ZC3HC1: variants seen among roughly 807,000 people sequenced by gnomAD.
ZC3HC1 encodes zinc finger C3HC-type containing 1.
Under a neutral mutation model 61.9 loss-of-function variants are expected in ZC3HC1, and 38 were observed. The ratio of observed to expected loss-of-function variants is 0.61; its 90% CI spans 0.47 to 0.81. The LOEUF (loss-of-function observed/expected upper bound fraction) is 0.81. Ranked by LOEUF, ZC3HC1 falls within the 30% of genes least tolerant of loss-of-function variation. The pLI is 0.00. For missense variants in ZC3HC1, 554 were observed against 622.7 expected, an observed-to-expected ratio of 0.89 and a Z score of 1.17; for synonymous variants, 213 against 229.9, an observed-to-expected ratio of 0.93 and a Z score of 0.67.
At chr7:130,040,811 A>C (rs1347812769) in intron 3 of ZC3HC1, 140 bp downstream of exon 3, 1 of 648,486 alleles carries the variant, frequency 1.5e-6, no homozygotes, top group East Asian at 3.6e-5. Flanking sequence ...CCCATCTCAA[A>C]AAAAAAAAAA....
chr7:130,047,941 T>G (rs1794930053), intron 2 of ZC3HC1, among the ~76,000 whole-genome samples: 1 of 152,198 alleles, frequency 6.6e-6, no homozygotes, highest in South Asian at 2.1e-4. Flanking sequence ...TGTTCTCTCC[T>G]TTGCTCACTC....
At chr7:130,019,718 T>C (rs976404869) in intron 9 of ZC3HC1, among the ~76,000 whole-genome samples, 1 of 151,790 alleles carries the variant, frequency 6.6e-6, no homozygotes, top group Non-Finnish European at 1.5e-5. Context: ...GAGCAAGTAT[T>C]CCACGCAGAA....
At chr7:130,041,144 ATGTGTGTGTATG>A (rs1794649336) in intron 2 of ZC3HC1, 43 bp from the exon 3 acceptor site, 3 of 1,452,422 alleles carry the variant, frequency 2.1e-6, no homozygotes, top group Non-Finnish European at 2.8e-6. Flanking sequence ...ATATATATAT[ATGTGTGTGTATG>A]TGTGTGTGTG....
intron 5 of ZC3HC1, chr7:130,027,167 A>C (rs1793953682): frequency 6.6e-6 from 1 of 151,814 alleles, no homozygotes; most frequent in South Asian, 2.1e-4. Flanking sequence ...AGCTCGTTAG[A>C]CTTTATTTTT....
chr7:130,028,168 A>C, intron 5 of ZC3HC1, among the ~76,000 whole-genome samples: 1 of 40,870 alleles, frequency 2.4e-5, no homozygotes. Context: ...TGTCTCAAAA[A>C]AAAAAAAAAA....
In ZC3HC1 at chr7:130,031,094, C is replaced by T. The variant is rs534289803; in HGVS notation, c.494-2065G>A. On this transcript the variant is annotated intron_variant, in intron 4 of 9. Transcript: ENST00000358303. ...CCTGTAATCCTAGCACTTTGGGAGG[C>T]CAAGGTGGGTGGATCACCTGAGGTC... is the stretch of plus-strand genomic sequence containing the variant. Among the ~76,000 whole-genome samples, 7 of 151,834 alleles carry T rather than the reference C, an allele frequency of 4.6e-5. No homozygotes were observed. In the East Asian group the frequency reaches 1.4e-3, roughly 30 times the overall value.
chr7:130,048,110 T>C (rs1794935909), intron 2 of ZC3HC1, among the ~76,000 whole-genome samples: 2 of 150,430 alleles, frequency 1.3e-5, no homozygotes, highest in South Asian at 4.2e-4. Context: ...AGTATGCCAA[T>C]GACTGAGTTT....
At chr7:130,022,204 T>C in intron 9 of ZC3HC1, 115 bp downstream of exon 9, 1 of 1,335,854 alleles carries the variant, frequency 7.5e-7, no homozygotes, top group South Asian at 1.2e-5. Flanking sequence ...AAAACCCAAA[T>C]AACTTGACGT....
intron 4 of ZC3HC1, among the ~76,000 whole-genome samples, chr7:130,031,846 C>T (rs1368061109): frequency 6.6e-6 from 1 of 152,142 alleles, no homozygotes; most frequent in African/African-American, 2.4e-5. Context: ...GTGTGCTCCC[C>T]CCACCACACA....
At position 130,018,624 on chromosome 7, in the gene ZC3HC1, C is replaced by T. The variant is rs1480440159; in HGVS notation, c.*40G>A. Reference sequence around the variant, plus strand: ...TCAGCCTTAATTTTTCAAAAAGTCACTCTCATTCCAGCTATCTCCAGGAAG... The same window carrying T: ...TCAGCCTTAATTTTTCAAAAAGTCATTCTCATTCCAGCTATCTCCAGGAAG... On this transcript the variant is annotated 3_prime_UTR_variant, in exon 10 of 10. Transcript: ENST00000358303. 3 of 1,560,510 alleles carry T rather than the reference C, an allele frequency of 1.9e-6. No individual in the cohort carries two copies. Among genetic ancestry groups the T allele is most frequent in the Non-Finnish European group, 2.6e-6 (3 of 1,140,322 alleles).
intron 4 of ZC3HC1, among the ~76,000 whole-genome samples, chr7:130,033,178 ATGCGTAACCATGCCCAG>A (rs1222189240): frequency 6.6e-6 from 1 of 152,094 alleles, no homozygotes; most frequent in Non-Finnish European, 1.5e-5. Context: ...GAACACAGGT[ATGCGTAACCATGCCCAG>A]CTAATTTTTT....
At chr7:130,019,222 G>A (rs1451965239) in intron 9 of ZC3HC1, among the ~76,000 whole-genome samples, 5 of 151,894 alleles carry the variant, frequency 3.3e-5, no homozygotes, top group Admixed American at 3.3e-4. Flanking sequence ...CTAATTTTTT[G>A]TATTTTTAGT....
intron 4 of ZC3HC1, among the ~76,000 whole-genome samples, chr7:130,038,903 T>C (rs938458413): frequency 6.7e-6 from 1 of 149,426 alleles, no homozygotes; most frequent in Non-Finnish European, 1.5e-5. Context: ...GTTGGTAGTA[T>C]CTACCTCCCA....
chr7:130,023,830 C>T lies in ZC3HC1; in HGVS notation c.1021-107G>A, dbSNP rs565886173. ...TCTTTTTTTTTTTGAGACAGAGTCT[C>T]GCTTTGTTGCCAAGGCTGGAGAGCA... On this transcript the variant is annotated intron_variant, in intron 7 of 9. Transcript: ENST00000358303. The surrounding 1 kb of genome is among the most constrained non-coding windows in gnomAD (Gnocchi z 4.2). 31 of 1,045,962 alleles carry T rather than the reference C, an allele frequency of 3.0e-5. No individual in the cohort carries two copies. The East Asian group carries it at 4.7e-4, about 16-fold the overall frequency. 64.8% of individuals were successfully genotyped at this position (1,045,962 alleles called of 1,614,324 possible). A position where few individuals can be genotyped will look rare whatever the true frequency, so the allele number is the denominator to read the frequency against.
At chr7:130,028,804 T>G (rs1794045333) in intron 5 of ZC3HC1, 98 bp downstream of exon 5, 2 of 1,489,156 alleles carry the variant, frequency 1.3e-6, no homozygotes, top group Non-Finnish European at 1.8e-6. Context: ...GCAGTTCTCT[T>G]CACAGCAATT....
At chr7:130,030,830 G>A (rs1198975714) in intron 4 of ZC3HC1, among the ~76,000 whole-genome samples, 1 of 151,088 alleles carries the variant, frequency 6.6e-6, no homozygotes, top group Non-Finnish European at 1.5e-5. Flanking sequence ...CACTGCGCCT[G>A]GCTAATTTTT....
intron 2 of ZC3HC1, 69 bp from the exon 3 acceptor site, chr7:130,041,170 G>GTA: frequency 6.6e-7 from 1 of 1,510,578 alleles, no homozygotes; most frequent in Non-Finnish European, 8.9e-7. Flanking sequence ...GTGTGTGTGT[G>GTA]TGTGTGTATA....
intron 4 of ZC3HC1, among the ~76,000 whole-genome samples, chr7:130,038,847 G>A (rs1232515056): frequency 3.8e-5 from 5 of 130,866 alleles, no homozygotes; most frequent in Non-Finnish European, 6.4e-5. Context: ...GTGAAAGAGC[G>A]AGGCTCTGTC....
chr7:130,030,238 C>T (rs1437414734), intron 4 of ZC3HC1, among the ~76,000 whole-genome samples: 2 of 146,754 alleles, frequency 1.4e-5, no homozygotes, highest in East Asian at 2.0e-4. Context: ...TTTGCTCTGT[C>T]GCCCAGGCTG....
Sources: gnomAD v4.1 joint callset for allele counts (sites outside exome capture counted in the v4.1 genomes callset) on GRCh38, gnomAD v4.1.1 for gene constraint, Gnocchi (gnomAD v3.1) non-coding constraint, MANE v1.5 for transcripts, NCBI Gene and HGNC (gene_info 2026-07-23, HGNC 2026-07-21) for gene names.